Variants in FNDC1 observed in about 807,000 individuals in gnomAD.
FNDC1 encodes fibronectin type III domain containing 1.
In FNDC1, 96 loss-of-function variants were observed where a neutral mutation model predicts 168.0. The ratio of observed to expected loss-of-function variants is 0.57; its 90% CI spans 0.48 to 0.68. FNDC1 has a LOEUF of 0.68. FNDC1 is among the 30% of genes least tolerant of loss of function. FNDC1 has a pLI of 0.00. For missense variants in FNDC1, 2,587 were observed against 2,482.1 expected, an observed-to-expected ratio of 1.04 and a Z score of -0.90; for synonymous variants, 1,099 against 1,025.9, an observed-to-expected ratio of 1.07 and a Z score of -1.36.
intron 2 of FNDC1, among the ~76,000 whole-genome samples, chr6:159,198,355 C>T (rs1398840656): frequency 2.0e-5 from 3 of 152,236 alleles, no homozygotes; most frequent in Non-Finnish European, 4.4e-5. Flanking sequence ...CACCTTAGCA[C>T]TTTGATCCTT....
intron 1 of FNDC1, among the ~76,000 whole-genome samples, chr6:159,177,412 A>G (rs1328649622): frequency 6.6e-6 from 1 of 152,014 alleles, no homozygotes; most frequent in Non-Finnish European, 1.5e-5. Flanking sequence ...TTGTCTGGAG[A>G]TGAAGTCTCA....
chr6:159,261,390 A>G lies in FNDC1; in HGVS notation c.5254+121A>G, dbSNP rs773678799. The G allele has an allele frequency of 2.1e-5, 14 of 661,052 alleles. No homozygotes were observed. In the African/African-American group the frequency reaches 2.6e-4, roughly 12 times the overall value. 40.9% of individuals were successfully genotyped at this position (661,052 alleles called of 1,614,324 possible). On this transcript the variant is annotated intron_variant, in intron 19 of 22. Coordinates refer to ENST00000297267, the MANE Select transcript of FNDC1 (RefSeq NM_032532.3). ...TCTATTTAATGAGCTCATGTTGGATATCAGTTTCTAAAGTAAACATCATTT... is the reference window on the plus strand; with the variant it reads ...TCTATTTAATGAGCTCATGTTGGATGTCAGTTTCTAAAGTAAACATCATTT...
intron 1 of FNDC1, among the ~76,000 whole-genome samples, chr6:159,177,257 T>G (rs1373543121): frequency 1.3e-5 from 2 of 151,964 alleles, no homozygotes; most frequent in African/African-American, 4.8e-5. Context: ...GCAAACAGAG[T>G]GGAGATGAGC....
At chr6:159,256,969 A>G (rs1023528193) in intron 18 of FNDC1, among the ~76,000 whole-genome samples, 1 of 152,252 alleles carries the variant, frequency 6.6e-6, no homozygotes, top group Non-Finnish European at 1.5e-5. Flanking sequence ...CATGACCTTC[A>G]TATGTGAAAA....
intron 9 of FNDC1, among the ~76,000 whole-genome samples, chr6:159,228,863 C>T (rs893044572): frequency 8.6e-5 from 13 of 152,038 alleles, no homozygotes; most frequent in South Asian, 4.2e-4. Context: ...TTAATAGAGA[C>T]GGGGGTTTCA....
chr6:159,242,671 C>T (rs79695409), intron 14 of FNDC1, among the ~76,000 whole-genome samples: 10,773 of 152,172 alleles, frequency 0.071, 414 homozygotes, highest in Middle Eastern at 0.085. Flanking sequence ...GGAGAAACTC[C>T]GTACTCATTA....
rs118108400 is a variant in FNDC1, at chr6:159,239,431, G to A, written c.4181-86G>A. Reference sequence around the variant, plus strand: ...CTGATTAAAACATGATAATACATAAGCTTTGAGAAGACACTTATTGCTTGC... The same window carrying A: ...CTGATTAAAACATGATAATACATAAACTTTGAGAAGACACTTATTGCTTGC... On this transcript the variant is annotated intron_variant, in intron 13 of 22. Coordinates refer to ENST00000297267, the MANE Select transcript of FNDC1 (RefSeq NM_032532.3). 2.8e-4 allele frequency: 338 copies of A among 1,193,606 alleles called. No individual in the cohort carries two copies. In the East Asian group the frequency reaches 7.7e-3, roughly 27 times the overall value. The allele number at this position is 1,193,606 out of a possible 1,614,324, so 73.9% of individuals were successfully genotyped here.
chr6:159,239,363 T>TG (rs1431690621), intron 13 of FNDC1, among the ~76,000 whole-genome samples, 154 bp from the exon 14 acceptor site: 11 of 152,226 alleles, frequency 7.2e-5, no homozygotes. Context: ...CTCAGGATCG[T>TG]GGAGCATACT....
chr6:159,233,945 C>A lies in FNDC1; in HGVS notation c.3433C>A (p.Gln1145Lys). 6.4e-7 allele frequency: 1 copy of A among 1,564,912 alleles called. No individual in the cohort carries two copies. Among genetic ancestry groups the A allele is most frequent in the East Asian group, 2.3e-5 (1 of 42,556 alleles). Residue 1145 changes from glutamine (Q) to lysine (K), a missense_variant, in exon 11 of 23, where the codon CAG becomes AAG. Transcript: ENST00000297267. The surrounding 1 kb of genome is among the most constrained non-coding windows in gnomAD (Gnocchi z 4.6). ...PARPSRPGGP[Q>K]SRARVPSRAA... ...CAGGCCCAGCCGACCCGGCGGCCCC[C>A]AGTCCCGCGCCCGGGTACCCAGCAG...
intron 17 of FNDC1, among the ~76,000 whole-genome samples, chr6:159,254,569 G>C (rs963339839): frequency 6.6e-6 from 1 of 151,944 alleles, no homozygotes; most frequent in African/African-American, 2.4e-5. Flanking sequence ...TTAGCTGGGC[G>C]TGGTGGTGGG....
Position 159,231,968 on chromosome 6 carries a change from G to C in FNDC1, c.1456G>C (p.Ala486Pro), listed in dbSNP as rs1397157816. 1 of 1,613,964 alleles carries C rather than the reference G, an allele frequency of 6.2e-7. No individual in the cohort carries two copies. Residue 486 changes from alanine to proline, a missense_variant, in exon 11 of 23, where the codon GCT becomes CCT. By Grantham distance (27) the Ala-to-Pro change is conservative. Coordinates refer to ENST00000297267, the MANE Select transcript of FNDC1 (RefSeq NM_032532.3). Reference protein sequence around the residue: ...EPSSPSPRAPASSQHPSVPAS... With the variant: ...EPSSPSPRAPPSSQHPSVPAS... ...TTCCTCACCTTCTCCCAGAGCTCCA[G>C]CTTCCTCCCAACACCCCTCTGTGCC... is the stretch of plus-strand genomic sequence containing the variant.
intron 11 of FNDC1, 31 bp from the exon 12 acceptor site, chr6:159,236,184 C>A: frequency 6.6e-7 from 1 of 1,517,252 alleles, no homozygotes; most frequent in East Asian, 2.3e-5. Flanking sequence ...ATTTACCAGG[C>A]TCTGTTATTT....
chr6:159,189,352 C>G (rs1313210999), intron 1 of FNDC1, among the ~76,000 whole-genome samples: 2 of 152,228 alleles, frequency 1.3e-5, no homozygotes, highest in Non-Finnish European at 2.9e-5. Flanking sequence ...CTGGCCACAT[C>G]TCCAGTCCAG....
chr6:159,219,777 C>A (rs1387429617), intron 5 of FNDC1, among the ~76,000 whole-genome samples: 1 of 152,108 alleles, frequency 6.6e-6, no homozygotes, highest in Non-Finnish European at 1.5e-5. Flanking sequence ...AAGGCATATA[C>A]AAATTTCAGT....
At chr6:159,243,533 TA>T (rs1229608313) in intron 14 of FNDC1, among the ~76,000 whole-genome samples, 1 of 152,238 alleles carries the variant, frequency 6.6e-6, no homozygotes, top group East Asian at 1.9e-4. Flanking sequence ...ATTTTTCACT[TA>T]TTTTTTTCAT....
At chr6:159,253,457 C>T (rs1777313302) in intron 17 of FNDC1, among the ~76,000 whole-genome samples, 1 of 152,188 alleles carries the variant, frequency 6.6e-6, no homozygotes, top group Admixed American at 6.5e-5. Context: ...ATCCTGCTGG[C>T]TACATGGATG....
At chr6:159,204,136 A>G (rs1782435947) in intron 4 of FNDC1, among the ~76,000 whole-genome samples, 1 of 152,166 alleles carries the variant, frequency 6.6e-6, no homozygotes, top group Non-Finnish European at 1.5e-5. Flanking sequence ...CAAGTTCAGC[A>G]TAGAGTCCAC....
Position 159,256,644 on chromosome 6 carries a change from A to C in FNDC1, c.5174+13A>C. The C allele has an allele frequency of 6.4e-7, 1 of 1,571,686 alleles. No homozygotes were observed. Among genetic ancestry groups the C allele is most frequent in the Non-Finnish European group, 8.8e-7 (1 of 1,142,326 alleles). ...AGCCCAACACGAGGTACGATGTGTC[A>C]GTCATTTAGAAAAGATGAGATCCAT... On this transcript the variant is annotated intron_variant, in intron 18 of 22. Coordinates refer to ENST00000297267, the MANE Select transcript of FNDC1 (RefSeq NM_032532.3).
intron 14 of FNDC1, among the ~76,000 whole-genome samples, chr6:159,242,324 G>A (rs371776951): frequency 2.1e-4 from 32 of 152,220 alleles, no homozygotes; most frequent in Admixed American, 7.2e-4. Context: ...ATACAGTGGC[G>A]CCTGTCAGAG....
Sources: gnomAD v4.1 joint callset for allele counts (sites outside exome capture counted in the v4.1 genomes callset) on GRCh38, gnomAD v4.1.1 for gene constraint, Gnocchi (gnomAD v3.1) non-coding constraint, MANE v1.5 for transcripts, NCBI Gene and HGNC (gene_info 2026-07-23, HGNC 2026-07-21) for gene names.